Variants in GRIK1 observed in about 807,000 individuals in gnomAD.
GRIK1 encodes the protein glutamate ionotropic receptor kainate type subunit 1.
Under a neutral mutation model 105.7 loss-of-function variants are expected in GRIK1, and 69 were observed. That is an observed-to-expected ratio of 0.65 (90% CI 0.54 to 0.80). GRIK1 has a LOEUF of 0.80. GRIK1 is among the 30% of genes least tolerant of loss of function. The pLI is 0.00. For missense variants in GRIK1, 1,109 were observed against 1,167.3 expected (o/e 0.95, Z 0.73); for synonymous variants, 438 against 431.3 (o/e 1.02, Z -0.19).
intron 1 of GRIK1, among the ~76,000 whole-genome samples, chr21:29,818,551 T>C (rs1467765523): frequency 6.6e-6 from 1 of 152,008 alleles, no homozygotes; most frequent in Non-Finnish European, 1.5e-5. Context: ...GTCCCACCAC[T>C]CCCCAGCCTC....
At chr21:29,785,981 C>T (rs2066250194) in intron 1 of GRIK1, among the ~76,000 whole-genome samples, 1 of 152,190 alleles carries the variant, frequency 6.6e-6, no homozygotes, top group Non-Finnish European at 1.5e-5. Context: ...CTGTGTCTCT[C>T]CTCTGTGTGT....
intron 16 of GRIK1, chr21:29,553,203 C>A: frequency 1.0e-6 from 1 of 990,412 alleles, no homozygotes; most frequent in Non-Finnish European, 1.2e-6. Context: ...ATAGAATTAG[C>A]ATCGTGTTTC....
intron 2 of GRIK1, 150 bp downstream of exon 2, chr21:29,693,746 A>G (rs2063631682): frequency 1.6e-6 from 1 of 633,162 alleles, no homozygotes; most frequent in Admixed American, 2.7e-5. Flanking sequence ...AGTTCAGATT[A>G]CACTGATCAG....
At chr21:29,917,670 CTT>C (rs1274559960) in intron 1 of GRIK1, among the ~76,000 whole-genome samples, 2 of 151,886 alleles carry the variant, frequency 1.3e-5, no homozygotes, top group African/African-American at 4.8e-5. Context: ...TTTTTTCTAA[CTT>C]GACCCCAAAA....
chr21:29,838,022 A>G (rs2067859330), intron 1 of GRIK1, among the ~76,000 whole-genome samples: 1 of 152,228 alleles, frequency 6.6e-6, no homozygotes, highest in African/African-American at 2.4e-5. Context: ...AAGATGGTTC[A>G]AAAAGTTAAA....
In GRIK1 at chr21:29,732,984, T is replaced by C. The variant is rs184010769; in HGVS notation, c.119-38921A>G. Among the ~76,000 whole-genome samples the C allele has an allele frequency of 7.9e-4, 120 of 152,332 alleles. 1 individual carries two copies. Among genetic ancestry groups the C allele is most frequent in the African/African-American group, 2.6e-3 (107 of 41,576 alleles). On this transcript the variant is annotated intron_variant, in intron 1 of 17. Coordinates refer to ENST00000327783, the MANE Select transcript of GRIK1 (RefSeq NM_001330994.2). ...TGGTTTAGATTTAGAAGTATTTTCA[T>C]TTAAGTAGCATGTGGCATTGAACTT...
At chr21:29,632,404 A>C (rs750397305) in intron 7 of GRIK1, among the ~76,000 whole-genome samples, 1 of 152,204 alleles carries the variant, frequency 6.6e-6, no homozygotes, top group Non-Finnish European at 1.5e-5. Flanking sequence ...ACTAGATTTT[A>C]GTGAAAAATG....
intron 7 of GRIK1, among the ~76,000 whole-genome samples, chr21:29,639,596 G>T (rs980199488): frequency 6.6e-6 from 1 of 152,182 alleles, no homozygotes; most frequent in Non-Finnish European, 1.5e-5. Flanking sequence ...AAAGGGATCA[G>T]GAACAAGATC....
chr21:29,567,836 A>G (rs2090646404), intron 14 of GRIK1, among the ~76,000 whole-genome samples: 1 of 152,204 alleles, frequency 6.6e-6, no homozygotes, highest in Admixed American at 6.5e-5. Flanking sequence ...CTATTTTGAA[A>G]ATATGATTTA....
chr21:29,934,116 C>G (rs1335253083), intron 1 of GRIK1, among the ~76,000 whole-genome samples: 2 of 152,188 alleles, frequency 1.3e-5, no homozygotes, highest in Non-Finnish European at 2.9e-5. Context: ...TAATTGTACA[C>G]TCTAACAACA....
chr21:29,620,867 A>AATG (rs1568897959), intron 7 of GRIK1, among the ~76,000 whole-genome samples: 3 of 146,822 alleles, frequency 2.0e-5, no homozygotes, highest in African/African-American at 7.4e-5. Context: ...GTAGTTATAT[A>AATG]TATTATTTCC....
chr21:29,850,200 C>T (rs537148869), intron 1 of GRIK1, among the ~76,000 whole-genome samples: 12 of 152,208 alleles, frequency 7.9e-5, no homozygotes, highest in African/African-American at 2.9e-4. Context: ...ATCTCTTTTT[C>T]ATAAACAAAA....
intron 1 of GRIK1, among the ~76,000 whole-genome samples, chr21:29,877,141 A>G (rs1317075556): frequency 6.6e-6 from 1 of 152,168 alleles, no homozygotes; most frequent in Non-Finnish European, 1.5e-5. Context: ...TTATGCTTTT[A>G]CAATAAAAAG....
At chr21:29,576,036 CT>C (rs141426307) in intron 14 of GRIK1, among the ~76,000 whole-genome samples, 68 of 149,640 alleles carry the variant, frequency 4.5e-4, no homozygotes, top group African/African-American at 1.2e-3. Context: ...ACCATTAATA[CT>C]TTTTTTTTTC....
intron 1 of GRIK1, among the ~76,000 whole-genome samples, chr21:29,727,159 C>T (rs2064490188): frequency 6.6e-6 from 1 of 152,092 alleles, no homozygotes; most frequent in African/African-American, 2.4e-5. Flanking sequence ...CTCCTGAGCT[C>T]AGGTGATCCA....
chr21:29,751,810 T>C (rs933214140), intron 1 of GRIK1, among the ~76,000 whole-genome samples: 1 of 152,218 alleles, frequency 6.6e-6, no homozygotes, highest in African/African-American at 2.4e-5. Context: ...GACCTTCTAA[T>C]GTACATTTGC....
At chr21:29,677,529 C>T (rs1197347861) in intron 3 of GRIK1, among the ~76,000 whole-genome samples, 3 of 151,750 alleles carry the variant, frequency 2.0e-5, no homozygotes, top group Admixed American at 6.6e-5. Context: ...GAAAAAAATG[C>T]TGATTTGCAT....
chr21:29,697,928 C>CTTTCTTTCTTTCTTTCTTTCTTTCTT (rs1555874556), intron 1 of GRIK1, among the ~76,000 whole-genome samples: 19 of 145,862 alleles, frequency 1.3e-4, no homozygotes, highest in Non-Finnish European at 2.7e-4. Flanking sequence ...CTCTCTCTCT[C>CTTTCTTTCTTTCTTTCTTTCTTTCTT]TCTTTCTTTC....
intron 4 of GRIK1, chr21:29,657,282 A>C (rs1055839189): frequency 6.6e-6 from 1 of 152,118 alleles, no homozygotes; most frequent in Admixed American, 6.5e-5. Context: ...CTTGGGTAAA[A>C]TTTTTCTTTT....
Sources: allele counts gnomAD v4.1 joint callset (sites outside exome capture counted in the v4.1 genomes callset), GRCh38; gene constraint gnomAD v4.1.1; transcripts MANE v1.5; gene names NCBI Gene and HGNC (gene_info 2026-07-23, HGNC 2026-07-21).